The following PHGDH variants were observed in gnomAD, a reference collection of about 807,000 sequenced individuals.
The protein encoded by PHGDH is phosphoglycerate dehydrogenase.
PHGDH carries 50 observed loss-of-function variants against 52.6 expected under a neutral mutation model. The ratio of observed to expected loss-of-function variants is 0.95; its 90% CI spans 0.76 to 1.20. PHGDH has a LOEUF of 1.20. PHGDH is among the 50% of genes most tolerant of loss of function. The probability of loss-of-function intolerance (pLI) is 0.00; values close to 1 mark genes in which losing one functional copy is unlikely to be tolerated. For synonymous variants in PHGDH, 271 were observed against 280.5 expected (o/e 0.97, Z 0.34); for missense variants, 630 against 684.6 (o/e 0.92, Z 0.89).
In PHGDH at chr1:119,734,694, C is replaced by T. The variant is rs988162080; in HGVS notation, c.571C>T (p.Leu191=). 1.9e-6 allele frequency: 3 copies of T among 1,613,894 alleles called. No homozygotes were observed. The African/African-American group carries it at 4.0e-5, about 22-fold the overall frequency. The change falls in exon 6 of 12, where the codon CTG becomes TTG. Residue 191 remains leucine (L), a synonymous_variant. Transcript: ENST00000641023. ...CTCGGCCTCCTTTGGTGTTCAGCAG[C>T]TGCCCCTGGAGGAGATCTGGCCTCT... ...EVSASFGVQQ[L]PLEEIWPLCD... is the part of the protein sequence containing the mutation.
intron 1 of PHGDH, chr1:119,715,657 G>C (rs149101280): frequency 6.6e-6 from 1 of 152,290 alleles, no homozygotes; most frequent in Non-Finnish European, 1.5e-5. Flanking sequence ...TGCTGAGTTA[G>C]CAGTTTGTCT....
At chr1:119,733,777 T>C (rs1311773491) in intron 5 of PHGDH, among the ~76,000 whole-genome samples, 2 of 152,188 alleles carry the variant, frequency 1.3e-5, no homozygotes. Context: ...GCTGTTAAAG[T>C]ACTATGCTGT....
At chr1:119,724,957 G>A (rs1441060363) in intron 3 of PHGDH, 2 of 426,336 alleles carry the variant, frequency 4.7e-6, no homozygotes, top group Non-Finnish European at 9.1e-6. Context: ...CAGGGAGGAC[G>A]GTAGGAGAGT....
chr1:119,722,197 C>T (rs1651198620), intron 2 of PHGDH, among the ~76,000 whole-genome samples: 1 of 152,208 alleles, frequency 6.6e-6, no homozygotes, highest in Admixed American at 6.5e-5. Flanking sequence ...AATCTCTGCA[C>T]CTCTACTTGC....
In PHGDH at chr1:119,735,351, T is replaced by C; in HGVS notation, c.700T>C (p.Cys234Arg). The C allele has an allele frequency of 6.2e-7, 1 of 1,614,170 alleles. No homozygotes were observed. The highest frequency in any genetic ancestry group is 8.5e-7 in the Non-Finnish European group (1 of 1,180,008). The change falls in exon 7 of 12, where the codon TGT (cysteine) becomes CGT (arginine). Residue 234 changes from cysteine (C) to arginine (R), a missense_variant. Transcript: ENST00000641023. ...QCKKGVRVVN[C>R]ARGGIVDEGA... ...CAAGAAGGGGGTGCGTGTGGTGAAC[T>C]GTGCCCGTGGAGGGATCGTGGACGA...
At position 119,743,058 on chromosome 1, in the gene PHGDH, T is replaced by C. The variant is rs1374891188; in HGVS notation, c.1447+14T>C. 3 of 1,543,552 alleles carry C rather than the reference T, an allele frequency of 1.9e-6. No homozygotes were observed. The South Asian group carries it at 3.3e-5, about 17-fold the overall frequency. On this transcript the variant is annotated intron_variant, in intron 11 of 11. Coordinates refer to ENST00000641023, the MANE Select transcript of PHGDH (RefSeq NM_006623.4). ...CTACCATGATTGGTGAGGAGGGCCC[T>C]GTAGGGCTGGCTGGTGTCCTTGAGG...
Position 119,742,861 on chromosome 1 carries a change from C to A in PHGDH, c.1264C>A (p.Leu422Ile). The change falls in exon 11 of 12, where the codon CTC becomes ATC. Residue 422 changes from leucine (L) to isoleucine (I), a missense_variant. Coordinates refer to ENST00000641023, the MANE Select transcript of PHGDH (RefSeq NM_006623.4). Reference sequence around the variant, plus strand: ...AGGGGAGCAAGGCTTCGGGGAATGCCTCCTGGCCGTGGCCCTGGCAGGCGC... The same window carrying A: ...AGGGGAGCAAGGCTTCGGGGAATGCATCCTGGCCGTGGCCCTGGCAGGCGC... ...APGEQGFGEC[L>I]LAVALAGAPY... is the part of the protein sequence containing the mutation. The A allele has an allele frequency of 6.2e-7, 1 of 1,613,980 alleles. No homozygotes were observed. Among genetic ancestry groups the A allele is most frequent in the Non-Finnish European group, 8.5e-7 (1 of 1,179,856 alleles).
intron 1 of PHGDH, among the ~76,000 whole-genome samples, chr1:119,717,056 A>AT (rs1557965226): frequency 6.6e-6 from 1 of 151,840 alleles, no homozygotes; most frequent in South Asian, 2.1e-4. Flanking sequence ...ATATTTATCT[A>AT]TTTTTTATTG....
chr1:119,739,137 C>T (rs1652075477), intron 8 of PHGDH, among the ~76,000 whole-genome samples: 1 of 152,246 alleles, frequency 6.6e-6, no homozygotes, highest in Non-Finnish European at 1.5e-5. Flanking sequence ...CCTGACTCCT[C>T]CCTGGAATTC....
intron 1 of PHGDH, among the ~76,000 whole-genome samples, chr1:119,713,878 G>A (rs1650808392): frequency 6.6e-6 from 1 of 152,112 alleles, no homozygotes; most frequent in African/African-American, 2.4e-5. Context: ...GGAGGGATGA[G>A]GGCAGAATTG....
intron 1 of PHGDH, among the ~76,000 whole-genome samples, chr1:119,714,017 AGAG>A (rs1368582971): frequency 6.6e-6 from 1 of 152,154 alleles, no homozygotes; most frequent in Non-Finnish European, 1.5e-5. Context: ...TCTTGGCAGG[AGAG>A]GAGGAGTGTT....
At chr1:119,723,859 G>C (rs1191764835) in intron 3 of PHGDH, among the ~76,000 whole-genome samples, 3 of 151,992 alleles carry the variant, frequency 2.0e-5, no homozygotes, top group African/African-American at 7.2e-5. Context: ...GAAGCTCTCT[G>C]GCTTTTCCAG....
intron 1 of PHGDH, among the ~76,000 whole-genome samples, chr1:119,716,558 A>G (rs1650945765): frequency 6.6e-6 from 1 of 152,110 alleles, no homozygotes. Context: ...CTTAAGGCCC[A>G]AGGGAGTGAT....
intron 3 of PHGDH, 181 bp from the exon 4 acceptor site, chr1:119,726,670 A>C (rs1237746329): frequency 6.1e-6 from 4 of 659,502 alleles, no homozygotes; most frequent in Non-Finnish European, 1.1e-5. Context: ...GATCTTGCCA[A>C]GGGTTTCTCT....
chr1:119,722,008 T>G (rs1261949196), intron 2 of PHGDH, among the ~76,000 whole-genome samples: 2 of 152,336 alleles, frequency 1.3e-5, no homozygotes, highest in East Asian at 3.9e-4. Context: ...TTCTTAAGAC[T>G]TTTCTCTTCC....
In PHGDH at chr1:119,742,821, C is replaced by G; in HGVS notation, c.1224C>G (p.His408Gln). ...TCTCCACACAGGTCACCACCTCCCA[C>G]AGCCCTGCTGCACCAGGGGAGCAAG... Reference protein sequence around the residue: ...KEAGLNVTTSHSPAAPGEQGF... With the variant: ...KEAGLNVTTSQSPAAPGEQGF... Residue 408 changes from histidine (H) to glutamine (Q), a missense_variant, in exon 11 of 12, where the codon CAC (histidine) becomes CAG (glutamine). Physicochemically the swap from His to Gln is conservative, Grantham distance 24. Transcript: ENST00000641023. 6.2e-7 allele frequency: 1 copy of G among 1,609,014 alleles called. No homozygotes were observed. The highest frequency in any genetic ancestry group is 8.5e-7 in the Non-Finnish European group (1 of 1,177,048).
intron 6 of PHGDH, 128 bp from the exon 7 acceptor site, chr1:119,735,167 C>T: frequency 8.1e-7 from 1 of 1,235,132 alleles, no homozygotes; most frequent in South Asian, 1.2e-5. Context: ...AGCAAAGAGG[C>T]TGCCGTCCAG....
chr1:119,738,474 T>A (rs1652042174), intron 8 of PHGDH, among the ~76,000 whole-genome samples: 1 of 152,228 alleles, frequency 6.6e-6, no homozygotes, highest in Non-Finnish European at 1.5e-5. Flanking sequence ...GCATCCTCTG[T>A]CCTCTATGCT....
At chr1:119,734,508 G>T (rs1486008877) in intron 5 of PHGDH, 126 bp from the exon 6 acceptor site, 12 of 895,942 alleles carry the variant, frequency 1.3e-5, no homozygotes, top group Non-Finnish European at 2.2e-5. Context: ...ATTAACTGGA[G>T]AATTAATTAA....
Sources: allele counts gnomAD v4.1 joint callset (sites outside exome capture counted in the v4.1 genomes callset), GRCh38; gene constraint gnomAD v4.1.1; transcripts MANE v1.5; gene names NCBI Gene and HGNC (gene_info 2026-07-23, HGNC 2026-07-21).